INSIG1: variants seen among roughly 807,000 people sequenced by gnomAD.
INSIG1 encodes insulin induced gene 1.
Under a neutral mutation model 26.5 loss-of-function variants are expected in INSIG1, and 14 were observed. The observed-to-expected ratio is 0.53, with a 90% CI of 0.35 to 0.83. INSIG1 has a LOEUF of 0.83. Ranked by LOEUF, INSIG1 falls within the 40% of genes least tolerant of loss-of-function variation. The pLI, the probability that INSIG1 is intolerant of heterozygous loss-of-function variation, is 0.01. For synonymous variants in INSIG1, 147 were observed against 153.3 expected (o/e 0.96, Z 0.30); for missense variants, 272 against 368.9 (o/e 0.74, Z 2.15).
chr7:155,302,775 C>T lies in INSIG1; in HGVS notation c.733C>T (p.Arg245Cys), dbSNP rs376290152. ...QYTSPDFLYI[R>C]SWLPCIFFSG... is the part of the protein sequence containing the mutation. Reference sequence around the variant, plus strand: ...TACATCCCCAGATTTCCTCTATATTCGTTCTTGGCTCCCTTGTATATTTTT... The same window carrying T: ...TACATCCCCAGATTTCCTCTATATTTGTTCTTGGCTCCCTTGTATATTTTT... The change falls in exon 5 of 6, where the codon CGT (arginine) becomes TGT (cysteine). Residue 245 changes from arginine (R) to cysteine (C), a missense_variant. Physicochemically the swap from Arg to Cys is radical, Grantham distance 180 (BLOSUM62 -3). Coordinates refer to ENST00000340368, the MANE Select transcript of INSIG1 (RefSeq NM_005542.6). This position sits in a 1 kb window ranked among gnomAD's most constrained non-coding sequence, Gnocchi z 4.3. 112 of 1,612,130 alleles carry T rather than the reference C, an allele frequency of 6.9e-5. No individual in the cohort carries two copies. Among genetic ancestry groups the T allele is most frequent in the Non-Finnish European group, 8.1e-5 (96 of 1,178,368 alleles).
chr7:155,299,869 T>C (rs9767887), intron 2 of INSIG1, among the ~76,000 whole-genome samples: 15,181 of 152,192 alleles, frequency 0.1, 1,005 homozygotes, highest in African/African-American at 0.19. Context: ...CCTTGGTAGG[T>C]GTGTCTCCTG....
intron 3 of INSIG1, 120 bp downstream of exon 3, chr7:155,301,810 A>G: frequency 2.2e-6 from 2 of 921,254 alleles, no homozygotes; most frequent in South Asian, 8.4e-5. Context: ...GGTGGTACCT[A>G]CCCATTTCAG....
chr7:155,308,485 C>T lies in INSIG1; in HGVS notation c.*215C>T. 1 of 627,354 alleles carries T rather than the reference C, an allele frequency of 1.6e-6. No homozygotes were observed. The highest frequency in any genetic ancestry group is 2.9e-6 in the Non-Finnish European group (1 of 345,908). 38.9% of individuals were successfully genotyped at this position (627,354 alleles called of 1,614,324 possible). ...CTTCCCTTGACTGCCCGCACTGGCG[C>T]CTGTCTGTGCCCTGGAGCATTCTGC... On this transcript the variant is annotated 3_prime_UTR_variant, in exon 6 of 6. Coordinates refer to ENST00000340368, the MANE Select transcript of INSIG1 (RefSeq NM_005542.6).
At position 155,308,225 on chromosome 7, in the gene INSIG1, TC is replaced by T. The variant is rs1797988033; in HGVS notation, c.805-14del. On this transcript the variant is annotated splice_polypyrimidine_tract_variant and intron_variant, in intron 5 of 5. Transcript: ENST00000340368. Reference sequence around the variant, plus strand: ...CTAATTTTCTCTTTCCTTTTTTTTTTCCTTTCTACACATAGGGTGTTCCTGA... The same window carrying T: ...CTAATTTTCTCTTTCCTTTTTTTTTTCTTTCTACACATAGGGTGTTCCTGA... The T allele has an allele frequency of 7.5e-7, 1 of 1,340,052 alleles. No homozygotes were observed. Among genetic ancestry groups the T allele is most frequent in the Non-Finnish European group, 1.0e-6 (1 of 956,422 alleles). 83.0% of individuals were successfully genotyped at this position (1,340,052 alleles called of 1,614,324 possible).
At position 155,298,366 on chromosome 7, in the gene INSIG1, C is replaced by A; in HGVS notation, c.81C>A (p.Ala27=). ...GCCGAGGCCCCCCGCGAGCCAGCGCCGCGGGGCTGGCGGCCAAGGTTGGGG... is the reference window on the plus strand; with the variant it reads ...GCCGAGGCCCCCCGCGAGCCAGCGCAGCGGGGCTGGCGGCCAAGGTTGGGG... ...ARRRGPPRAS[A]AGLAAKVGEM... The change falls in exon 2 of 6, where the codon GCC becomes GCA. Residue 27 remains alanine (A), a synonymous_variant. Transcript: ENST00000340368. 6.6e-7 allele frequency: 1 copy of A among 1,523,450 alleles called. No homozygotes were observed. The highest frequency in any genetic ancestry group is 8.8e-7 in the Non-Finnish European group (1 of 1,142,564). The allele number at this position is 1,523,450 out of a possible 1,614,324, so 94.4% of individuals were successfully genotyped here.
At chr7:155,299,969 A>G (rs1197850209) in intron 2 of INSIG1, among the ~76,000 whole-genome samples, 1 of 152,156 alleles carries the variant, frequency 6.6e-6, no homozygotes, top group Non-Finnish European at 1.5e-5. Context: ...CTCCGTGTTG[A>G]AGAACTAGGA....
chr7:155,307,037 T>C (rs757944342), intron 5 of INSIG1, among the ~76,000 whole-genome samples: 8 of 152,226 alleles, frequency 5.3e-5, no homozygotes, highest in Non-Finnish European at 1.0e-4. Context: ...TATCAGCACA[T>C]TAGTGAACAG....
chr7:155,298,620 C>T lies in INSIG1; in HGVS notation c.335C>T (p.Thr112Ile), dbSNP rs762601697. Residue 112 changes from threonine to isoleucine, a missense_variant, in exon 2 of 6, where the codon ACT (threonine) becomes ATT (isoleucine). Thr to Ile is a moderately conservative substitution (Grantham distance 89, BLOSUM62 -1). Around this residue, in one of 2 missense-constraint regions of INSIG1, gnomAD observed 161 missense variants for 179.2 expected, o/e 0.90. Coordinates refer to ENST00000340368, the MANE Select transcript of INSIG1 (RefSeq NM_005542.6). ...CTGCTGCAGATCCAGAGGAATGTCA[C>T]TCTCTTCCCCGAGGAGGTGATCGCC... is the stretch of plus-strand genomic sequence containing the variant. ...LNLLQIQRNV[T>I]LFPEEVIATI... The T allele has an allele frequency of 6.2e-7, 1 of 1,613,610 alleles. No individual in the cohort carries two copies. Among genetic ancestry groups the T allele is most frequent in the South Asian group, 1.1e-5 (1 of 90,998 alleles).
chr7:155,305,445 G>A (rs1218868386), intron 5 of INSIG1, among the ~76,000 whole-genome samples: 2 of 152,096 alleles, frequency 1.3e-5, no homozygotes, highest in African/African-American at 4.8e-5. Flanking sequence ...TTCGTGGTGC[G>A]TGTTTTCTCC....
chr7:155,301,492 G>A, intron 2 of INSIG1, 74 bp from the exon 3 acceptor site: 1 of 1,395,946 alleles, frequency 7.2e-7, no homozygotes, highest in South Asian at 1.5e-5. Context: ...AATGTACTGT[G>A]TTACTAATGA....
At position 155,298,420 on chromosome 7, in the gene INSIG1, C is replaced by T. The variant is rs1797687267; in HGVS notation, c.135C>T (p.Pro45=). ...GEMINVSVSG[P]SLLAAHGAPD... ...TGATCAACGTTTCCGTGTCCGGGCC[C>T]TCCCTGCTGGCGGCCCACGGTGCCC... The change falls in exon 2 of 6, where the codon CCC becomes CCT. Residue 45 remains proline, a synonymous_variant. Coordinates refer to ENST00000340368, the MANE Select transcript of INSIG1 (RefSeq NM_005542.6). 1.3e-6 allele frequency: 2 copies of T among 1,558,038 alleles called. No individual in the cohort carries two copies. Among genetic ancestry groups the T allele is most frequent in the East Asian group, 2.4e-5 (1 of 41,996 alleles).
intron 5 of INSIG1, among the ~76,000 whole-genome samples, chr7:155,306,107 A>C (rs1356330603): frequency 6.6e-6 from 1 of 152,056 alleles, no homozygotes; most frequent in African/African-American, 2.4e-5. Flanking sequence ...TCAAATGATT[A>C]TCCTGCCTCA....
chr7:155,301,952 AT>A (rs1323570299), intron 3 of INSIG1, among the ~76,000 whole-genome samples: 14 of 144,494 alleles, frequency 9.7e-5, no homozygotes, highest in African/African-American at 2.7e-4. Context: ...TATATATAAT[AT>A]ATATAATAAA....
intron 2 of INSIG1, among the ~76,000 whole-genome samples, chr7:155,301,187 C>T (rs946575324): frequency 6.6e-6 from 1 of 152,224 alleles, no homozygotes; most frequent in African/African-American, 2.4e-5. Context: ...AGATAGAAAT[C>T]ACACCGGATG....
rs774821695 is a variant in INSIG1 at position 155,298,247 on chromosome 7, C to CAA, written c.-27-12_-27-11insAA. ...TCTCTTCTGAGTGAACTTGATGACC[C>CAA]CCTTCTTCCAGGAAGCGCCTCTTGG... On this transcript the variant is annotated splice_polypyrimidine_tract_variant and intron_variant, in intron 1 of 5. Transcript: ENST00000340368. 6.9e-7 allele frequency: 1 copy of CAA among 1,447,704 alleles called. No individual in the cohort carries two copies. The highest frequency in any genetic ancestry group is 1.5e-5 in the South Asian group (1 of 66,328). 89.7% of individuals were successfully genotyped at this position (1,447,704 alleles called of 1,614,324 possible).
chr7:155,302,866 T>C lies in INSIG1; in HGVS notation c.804+20T>C. Reference sequence around the variant, plus strand: ...GCTATGGTAAGTGAAATGATCATATTATCTTCTAAAACTTGCGTCTCTTTA... The same window carrying C: ...GCTATGGTAAGTGAAATGATCATATCATCTTCTAAAACTTGCGTCTCTTTA... On this transcript the variant is annotated intron_variant, in intron 5 of 5. Transcript: ENST00000340368. The surrounding 1 kb of genome is among the most constrained non-coding windows in gnomAD (Gnocchi z 4.3). 4.0e-6 allele frequency: 6 copies of C among 1,499,636 alleles called. No individual in the cohort carries two copies. Among genetic ancestry groups the C allele is most frequent in the Non-Finnish European group, 5.6e-6 (6 of 1,076,418 alleles). The allele number at this position is 1,499,636 out of a possible 1,614,324, so 92.9% of individuals were successfully genotyped here. A position where few individuals can be genotyped will look rare whatever the true frequency, so the allele number is the denominator to read the frequency against.
chr7:155,303,928 T>G, intron 5 of INSIG1: 7 of 1,168,022 alleles, frequency 6.0e-6, no homozygotes, highest in Non-Finnish European at 8.2e-6. Flanking sequence ...GGTTACTGAC[T>G]CTCTGCTGCC....
In INSIG1 at chr7:155,300,774, T is replaced by A. The variant is rs187084948; in HGVS notation, c.413-792T>A. Among the ~76,000 whole-genome samples, 6 of 152,350 alleles carry A rather than the reference T, an allele frequency of 3.9e-5. No individual in the cohort carries two copies. The East Asian group carries it at 1.2e-3, about 29-fold the overall frequency. On this transcript the variant is annotated intron_variant, in intron 2 of 5. Coordinates refer to ENST00000340368, the MANE Select transcript of INSIG1 (RefSeq NM_005542.6). ...TGTCCCAGTTACATAATCCTTATAA[T>A]TTTACACATGAGAAAACAAACATGC...
intron 5 of INSIG1, chr7:155,303,790 T>C (rs1302215589): frequency 8.1e-7 from 1 of 1,238,096 alleles, no homozygotes; most frequent in South Asian, 1.2e-5. Flanking sequence ...TAGTACCTCA[T>C]GCTATTTTTA....
Sources: gnomAD v4.1 joint callset for allele counts (sites outside exome capture counted in the v4.1 genomes callset) on GRCh38, gnomAD v4.1.1 for gene constraint, gnomAD v4.1.1 regional missense constraint, Gnocchi (gnomAD v3.1) non-coding constraint, MANE v1.5 for transcripts, NCBI Gene and HGNC (gene_info 2026-07-23, HGNC 2026-07-21) for gene names.